The following UNC5D variants were observed in gnomAD, a reference collection of about 807,000 sequenced individuals.
UNC5D encodes unc-5 netrin receptor D.
Under a neutral mutation model 105.4 loss-of-function variants are expected in UNC5D, and 39 were observed. That is an observed-to-expected ratio of 0.37 (90% CI 0.29 to 0.48). The LOEUF is 0.48. Ranked by LOEUF, UNC5D falls within the 20% of genes least tolerant of loss-of-function variation. The probability of loss-of-function intolerance (pLI) is 0.98; values close to 1 mark genes in which losing one functional copy is unlikely to be tolerated. For synonymous variants in UNC5D, 452 were observed against 450.4 expected, an observed-to-expected ratio of 1.00 and a Z score of -0.04; for missense variants, 991 against 1,202.4, an observed-to-expected ratio of 0.82 and a Z score of 2.60.
At chr8:35,657,076 GTGTGTATATATATATATATATATA>G (rs1341858630) in intron 4 of UNC5D, among the ~76,000 whole-genome samples, 12 of 94,454 alleles carry the variant, frequency 1.3e-4, no homozygotes, top group African/African-American at 6.2e-4. Flanking sequence ...GTGTGTGTGT[GTGTGTATATATATATATATATATA>G]TATATATATA....
intron 1 of UNC5D, among the ~76,000 whole-genome samples, chr8:35,364,310 C>T (rs913157259): frequency 6.6e-6 from 1 of 151,960 alleles, no homozygotes; most frequent in African/African-American, 2.4e-5. Flanking sequence ...GCTTTTGGTT[C>T]AGTTTTCATT....
At position 35,731,090 on chromosome 8, in the gene UNC5D, A is replaced by G; in HGVS notation, c.1760A>G (p.Glu587Gly). Residue 587 changes from glutamate (E) to glycine (G), a missense_variant, in exon 11 of 17, where the codon GAA becomes GGA. Coordinates refer to ENST00000404895, the MANE Select transcript of UNC5D (RefSeq NM_080872.4). ...WEIYMSINQG[E>G]PSLQSDGSEV... is the part of the protein sequence containing the mutation. ...ATTTATATGTCCATCAACCAAGGTG[A>G]ACCCAGGTGAGAGACAGAGAATAGC... 6.2e-7 allele frequency: 1 copy of G among 1,613,828 alleles called. No individual in the cohort carries two copies. Among genetic ancestry groups the G allele is most frequent in the Non-Finnish European group, 8.5e-7 (1 of 1,179,806 alleles).
chr8:35,452,651 G>A (rs1264110148), intron 1 of UNC5D, among the ~76,000 whole-genome samples: 5 of 152,088 alleles, frequency 3.3e-5, no homozygotes, highest in South Asian at 4.1e-4. Flanking sequence ...AAAAAGACAC[G>A]GTAGTAGCTT....
chr8:35,451,828 G>A (rs1365903501), intron 1 of UNC5D, among the ~76,000 whole-genome samples: 1 of 152,096 alleles, frequency 6.6e-6, no homozygotes, highest in African/African-American at 2.4e-5. Flanking sequence ...AATTCATGTT[G>A]TTCTGCACAG....
chr8:35,261,595 G>A (rs968901807), intron 1 of UNC5D, among the ~76,000 whole-genome samples: 5 of 151,556 alleles, frequency 3.3e-5, no homozygotes, highest in African/African-American at 1.2e-4. Flanking sequence ...TCCTTTTAAG[G>A]GAAATACAAC....
chr8:35,569,358 C>T (rs1817571170), intron 3 of UNC5D, among the ~76,000 whole-genome samples: 1 of 152,206 alleles, frequency 6.6e-6, no homozygotes, highest in East Asian at 1.9e-4. Context: ...TCAAATACTG[C>T]CTTTTGAGAG....
chr8:35,384,609 C>T (rs908191848), intron 1 of UNC5D, among the ~76,000 whole-genome samples: 1 of 152,132 alleles, frequency 6.6e-6, no homozygotes, highest in African/African-American at 2.4e-5. Flanking sequence ...ATCAAAGTTA[C>T]ACATGGTGGC....
intron 1 of UNC5D, among the ~76,000 whole-genome samples, chr8:35,347,163 C>T (rs1811862917): frequency 6.6e-6 from 1 of 151,970 alleles, no homozygotes; most frequent in Admixed American, 6.6e-5. Flanking sequence ...CGACAGAACA[C>T]ATTGATTGAC....
intron 4 of UNC5D, among the ~76,000 whole-genome samples, chr8:35,616,154 A>G (rs1821012650): frequency 6.6e-6 from 1 of 152,180 alleles, no homozygotes; most frequent in Non-Finnish European, 1.5e-5. Flanking sequence ...AACCAAACTG[A>G]GCCTCAGAGA....
At chr8:35,411,509 CA>C (rs1272477881) in intron 1 of UNC5D, among the ~76,000 whole-genome samples, 3 of 151,962 alleles carry the variant, frequency 2.0e-5, no homozygotes, top group Non-Finnish European at 2.9e-5. Context: ...ATGCCCAGAA[CA>C]GTGCTCACAC....
chr8:35,236,814 CG>C (rs1175750353), intron 1 of UNC5D, among the ~76,000 whole-genome samples: 2 of 152,198 alleles, frequency 1.3e-5, no homozygotes, highest in Non-Finnish European at 1.5e-5. Flanking sequence ...TGAAAAAAAT[CG>C]GAAGCTTTGC....
intron 1 of UNC5D, among the ~76,000 whole-genome samples, chr8:35,431,793 T>C (rs958551582): frequency 2.0e-5 from 3 of 152,152 alleles, no homozygotes; most frequent in African/African-American, 7.2e-5. Flanking sequence ...ATTTCGATAA[T>C]GTGTGTTTGC....
At chr8:35,724,041 C>T (rs1828727050) in intron 9 of UNC5D, 9 of 1,015,092 alleles carry the variant, frequency 8.9e-6, no homozygotes, top group Non-Finnish European at 9.0e-6. Flanking sequence ...GTTCTAGACG[C>T]TGGTTGCTTC....
chr8:35,793,886 A>C lies in UNC5D; in HGVS notation c.*3323A>C, dbSNP rs893173683. On this transcript the variant is annotated 3_prime_UTR_variant, in exon 17 of 17. Transcript: ENST00000404895. Reference sequence around the variant, plus strand: ...TTTTTTATTATTATTTTTATCTCCAACTGCAGGTGGTGTCTTTTGCCAAGG... The same window carrying C: ...TTTTTTATTATTATTTTTATCTCCACCTGCAGGTGGTGTCTTTTGCCAAGG... 7 of 152,142 alleles carry C rather than the reference A, an allele frequency of 4.6e-5. No homozygotes were observed. Among genetic ancestry groups the C allele is most frequent in the African/African-American group, 1.7e-4 (7 of 41,442 alleles). 9.4% of individuals were successfully genotyped at this position (152,142 alleles called of 1,614,324 possible).
chr8:35,542,790 G>T (rs1460465206), intron 1 of UNC5D, among the ~76,000 whole-genome samples: 1 of 152,170 alleles, frequency 6.6e-6, no homozygotes, highest in East Asian at 1.9e-4. Context: ...AGATGAAAAT[G>T]ATAATAGCAA....
chr8:35,682,596 A>G (rs554896839), intron 4 of UNC5D, among the ~76,000 whole-genome samples: 1 of 152,338 alleles, frequency 6.6e-6, no homozygotes, highest in Admixed American at 6.5e-5. Context: ...ACATGGAAGC[A>G]GAGAGTGAAT....
At chr8:35,706,577 C>G (rs1423378467) in intron 8 of UNC5D, among the ~76,000 whole-genome samples, 1 of 152,112 alleles carries the variant, frequency 6.6e-6, no homozygotes, top group African/African-American at 2.4e-5. Context: ...TTAGTATCAC[C>G]TGTAGGCCTT....
chr8:35,641,716 GC>G (rs946004259), intron 4 of UNC5D, among the ~76,000 whole-genome samples: 1 of 152,106 alleles, frequency 6.6e-6, no homozygotes, highest in Non-Finnish European at 1.5e-5. Flanking sequence ...CAGGACCTGT[GC>G]AAAAATACGG....
chr8:35,709,636 G>A (rs1395633842), intron 8 of UNC5D, among the ~76,000 whole-genome samples: 6 of 152,144 alleles, frequency 3.9e-5, no homozygotes, highest in African/African-American at 1.4e-4. Flanking sequence ...GTTGCAGTGA[G>A]CCGAGATTGC....
Sources: allele counts gnomAD v4.1 joint callset (sites outside exome capture counted in the v4.1 genomes callset), GRCh38; gene constraint gnomAD v4.1.1; transcripts MANE v1.5; gene names NCBI Gene and HGNC (gene_info 2026-07-23, HGNC 2026-07-21).